Variants in RREB1 observed in about 807,000 individuals in gnomAD.
RREB1 encodes ras-responsive element-binding protein 1.
A neutral mutation model predicts 117.8 loss-of-function variants in RREB1; 27 were observed. That is an observed-to-expected ratio of 0.23 (90% CI 0.17 to 0.32). RREB1 has a LOEUF of 0.32. Ranked by LOEUF, RREB1 falls within the 10% of genes least tolerant of loss-of-function variation. The pLI is 1.00. For synonymous variants in RREB1, 1,298 were observed against 1,026.7 expected (o/e 1.26, Z -5.05); for missense variants, 2,577 against 2,378.2 (o/e 1.08, Z -1.74).
At chr6:7,208,259 G>A (rs1766384063) in intron 6 of RREB1, among the ~76,000 whole-genome samples, 1 of 152,190 alleles carries the variant, frequency 6.6e-6, no homozygotes, top group Admixed American at 6.5e-5. Context: ...GATCCTGGCT[G>A]CACTTCCTGT....
chr6:7,177,255 T>C (rs1581495092), intron 2 of RREB1, among the ~76,000 whole-genome samples: 1 of 143,146 alleles, frequency 7.0e-6, no homozygotes, highest in Admixed American at 7.0e-5. Flanking sequence ...AGGAAAGAAA[T>C]TGTAACTATA....
chr6:7,224,099 T>C (rs191591796), intron 8 of RREB1, among the ~76,000 whole-genome samples: 1 of 152,194 alleles, frequency 6.6e-6, no homozygotes, highest in East Asian at 1.9e-4. Context: ...TTGAATGCCA[T>C]AATCGTAAAA....
intron 1 of RREB1, among the ~76,000 whole-genome samples, chr6:7,154,250 G>A (rs1763257742): frequency 6.6e-6 from 1 of 152,218 alleles, no homozygotes; most frequent in South Asian, 2.1e-4. Flanking sequence ...AGCAGCATTA[G>A]CATCACCTGG....
At chr6:7,142,701 C>T (rs1025117590) in intron 1 of RREB1, among the ~76,000 whole-genome samples, 3 of 152,232 alleles carry the variant, frequency 2.0e-5, no homozygotes, top group African/African-American at 4.8e-5. Context: ...TGACTTCTGC[C>T]CCAAGGCCGG....
rs572727664 is a variant in RREB1 at position 7,230,115 on chromosome 6, G to C, written c.2016G>C (p.Gln672His). Residue 672 changes from glutamine (Q) to histidine (H), a missense_variant, in exon 10 of 13, where the codon CAG (glutamine) becomes CAC (histidine). Transcript: ENST00000379938. ...VRSHLGISPY[Q>H]CNICDYIAAD... ...CCCACCTGGGCATCTCGCCATACCAGTGCAACATCTGCGACTACATCGCCG... is the reference window on the plus strand; with the variant it reads ...CCCACCTGGGCATCTCGCCATACCACTGCAACATCTGCGACTACATCGCCG... 1.2e-6 allele frequency: 2 copies of C among 1,604,662 alleles called. No individual in the cohort carries two copies. Among genetic ancestry groups the C allele is most frequent in the South Asian group, 1.1e-5 (1 of 90,800 alleles).
chr6:7,200,404 G>A (rs1223597544), intron 6 of RREB1, among the ~76,000 whole-genome samples: 2 of 151,830 alleles, frequency 1.3e-5, no homozygotes, highest in Non-Finnish European at 1.5e-5. Flanking sequence ...CGAGTAGCTG[G>A]GATAACAGGC....
chr6:7,125,992 TTTGTTTG>T (rs1761891214), intron 1 of RREB1, among the ~76,000 whole-genome samples: 1 of 147,682 alleles, frequency 6.8e-6, no homozygotes, highest in African/African-American at 2.6e-5. Flanking sequence ...CTGTTTTTTG[TTTGTTTG>T]TTTGTTTGTT....
At chr6:7,113,620 T>G (rs1371759025) in intron 1 of RREB1, among the ~76,000 whole-genome samples, 2 of 152,176 alleles carry the variant, frequency 1.3e-5, no homozygotes, top group African/African-American at 4.8e-5. Flanking sequence ...CCAGAACTCC[T>G]AACTCCAGCC....
Position 7,211,605 on chromosome 6 carries a change from G to A in RREB1, c.603G>A (p.Glu201=). ...MVEDGQSGDL[E]KKADEVFHCP... ...AAGACGGGCAGTCAGGTGACTTGGA[G>A]AAGAAAGCTGATGAAGTCTTTCACT... Residue 201 remains glutamate, a synonymous_variant, in exon 8 of 13, where the codon GAG becomes GAA. Transcript: ENST00000379938. The A allele has an allele frequency of 6.2e-7, 1 of 1,614,062 alleles. No homozygotes were observed.
In RREB1 at chr6:7,136,435, T is replaced by C. The variant is rs75680272; in HGVS notation, c.-285+28375T>C. Among the ~76,000 whole-genome samples the C allele has an allele frequency of 2.7e-4, 41 of 152,276 alleles. 2 individuals are homozygous for C. The East Asian group carries it at 7.9e-3, about 29-fold the overall frequency. ...AGTAAACAGGATTTTGTAAGAGATG[T>C]TATTTATTTATTTATTTTTAAATAG... On this transcript the variant is annotated intron_variant, in intron 1 of 12. Coordinates refer to ENST00000379938, the MANE Select transcript of RREB1 (RefSeq NM_001003699.4).
At chr6:7,108,268 C>G (rs1014768315) in intron 1 of RREB1, among the ~76,000 whole-genome samples, 1 of 151,846 alleles carries the variant, frequency 6.6e-6, no homozygotes, top group African/African-American at 2.4e-5. Context: ...GCGGGGCGGC[C>G]AGGGATGAGC....
intron 6 of RREB1, among the ~76,000 whole-genome samples, chr6:7,193,204 A>T (rs936233075): frequency 6.6e-6 from 1 of 152,250 alleles, no homozygotes; most frequent in African/African-American, 2.4e-5. Context: ...CATACTTTGC[A>T]TGATTTCAAA....
At chr6:7,235,253 G>A (rs1234558863) in intron 10 of RREB1, among the ~76,000 whole-genome samples, 1 of 152,184 alleles carries the variant, frequency 6.6e-6, no homozygotes, top group African/African-American at 2.4e-5. Flanking sequence ...AGAGCTGGAA[G>A]GAGCCTGGGA....
chr6:7,217,635 G>A (rs1205260828), intron 8 of RREB1: 1 of 152,110 alleles, frequency 6.6e-6, no homozygotes, highest in Non-Finnish European at 1.5e-5. Flanking sequence ...TTCCCTATCT[G>A]GAAAATAGAT....
At chr6:7,243,018 T>C (rs1033960288) in intron 11 of RREB1, among the ~76,000 whole-genome samples, 2 of 152,346 alleles carry the variant, frequency 1.3e-5, no homozygotes, top group Non-Finnish European at 2.9e-5. Flanking sequence ...TTTGTGTTTG[T>C]AGGCACCTAC....
At position 7,228,992 on chromosome 6, in the gene RREB1, T is replaced by C. The variant is rs186056777; in HGVS notation, c.898-5T>C. ...CCCTTGCTTTTACCGGTGGGTTCTA[T>C]ATAGGCCTGGTGCGAAACAAACCTG... On this transcript the variant is annotated splice_polypyrimidine_tract_variant and splice_region_variant and intron_variant, in intron 9 of 12. Transcript: ENST00000379938. 12 of 1,515,438 alleles carry C rather than the reference T, an allele frequency of 7.9e-6. No homozygotes were observed. In the African/African-American group the frequency reaches 1.4e-4, roughly 18 times the overall value. The allele number at this position is 1,515,438 out of a possible 1,614,324, so 93.9% of individuals were successfully genotyped here. A position where few individuals can be genotyped will look rare whatever the true frequency, so the allele number is the denominator to read the frequency against.
At chr6:7,247,959 G>A (rs1769195345) in intron 12 of RREB1, among the ~76,000 whole-genome samples, 1 of 152,206 alleles carries the variant, frequency 6.6e-6, no homozygotes, top group South Asian at 2.1e-4. Context: ...AGCGCAGTCG[G>A]CTCTGCCCTG....
At chr6:7,227,197 G>A (rs541076285) in intron 9 of RREB1, among the ~76,000 whole-genome samples, 39 of 152,194 alleles carry the variant, frequency 2.6e-4, no homozygotes, top group East Asian at 1.7e-3. Flanking sequence ...AGCCATGATC[G>A]TGCCACTGCA....
At chr6:7,143,557 A>C (rs1307867165) in intron 1 of RREB1, among the ~76,000 whole-genome samples, 3 of 152,146 alleles carry the variant, frequency 2.0e-5, no homozygotes, top group African/African-American at 7.2e-5. Context: ...CTCCTGTTGG[A>C]AGAGAGTAAA....
Sources: allele counts gnomAD v4.1 joint callset (sites outside exome capture counted in the v4.1 genomes callset), GRCh38; gene constraint gnomAD v4.1.1; transcripts MANE v1.5; gene names NCBI Gene and HGNC (gene_info 2026-07-23, HGNC 2026-07-21).